The following LRRC3B variants were observed in gnomAD, a reference collection of about 807,000 sequenced individuals.
LRRC3B encodes the protein leucine-rich repeat-containing protein 3B.
A neutral mutation model predicts 12.8 loss-of-function variants in LRRC3B; 2 were observed. That is an observed-to-expected ratio of 0.16 (90% CI 0.06 to 0.49). The LOEUF (loss-of-function observed/expected upper bound fraction) is 0.49. Ranked by LOEUF, LRRC3B falls within the 20% of genes least tolerant of loss-of-function variation. The pLI, the probability that LRRC3B is intolerant of heterozygous loss-of-function variation, is 0.96. For synonymous variants in LRRC3B, 132 were observed against 122.0 expected, an observed-to-expected ratio of 1.08 and a Z score of -0.54; for missense variants, 189 against 319.4, an observed-to-expected ratio of 0.59 and a Z score of 3.11.
At chr3:26,628,320 G>GA (rs951128396) in intron 1 of LRRC3B, among the ~76,000 whole-genome samples, 8 of 148,584 alleles carry the variant, frequency 5.4e-5, no homozygotes, top group African/African-American at 2.0e-4. Flanking sequence ...TAAGATATTT[G>GA]AAAAAAAATA....
At chr3:26,701,250 A>G (rs1162913084) in intron 1 of LRRC3B, 2 of 152,054 alleles carry the variant, frequency 1.3e-5, no homozygotes, top group African/African-American at 4.8e-5. Flanking sequence ...GGATTTAGTA[A>G]GTGGCTTGAT....
intron 1 of LRRC3B, among the ~76,000 whole-genome samples, chr3:26,634,687 G>A (rs1286369308): frequency 2.6e-5 from 4 of 152,198 alleles, no homozygotes; most frequent in African/African-American, 4.8e-5. Context: ...TTGCATTTGC[G>A]TAATTTCCCA....
chr3:26,638,094 A>G (rs75698536), intron 1 of LRRC3B, among the ~76,000 whole-genome samples: 5,192 of 152,300 alleles, frequency 0.034, 167 homozygotes, highest in East Asian at 0.13. Context: ...AAGGAATTCC[A>G]CAAAGCATTG....
chr3:26,707,454 G>A (rs1700627304), intron 1 of LRRC3B, among the ~76,000 whole-genome samples: 1 of 152,110 alleles, frequency 6.6e-6, no homozygotes, highest in African/African-American at 2.4e-5. Context: ...TATTGTCTCT[G>A]CAAGAGGCAG....
At chr3:26,696,193 C>A (rs1028278933) in intron 1 of LRRC3B, among the ~76,000 whole-genome samples, 1 of 151,998 alleles carries the variant, frequency 6.6e-6, no homozygotes, top group African/African-American at 2.4e-5. Flanking sequence ...AATTTACAAC[C>A]CTGAAAAAGA....
intron 1 of LRRC3B, among the ~76,000 whole-genome samples, chr3:26,698,378 A>C (rs1359396330): frequency 2.0e-5 from 3 of 152,172 alleles, no homozygotes; most frequent in African/African-American, 7.2e-5. Context: ...TGCACCTTGC[A>C]CATGTCTCAT....
At chr3:26,680,837 TA>T (rs1420592324) in intron 1 of LRRC3B, among the ~76,000 whole-genome samples, 8 of 152,234 alleles carry the variant, frequency 5.3e-5, no homozygotes, top group African/African-American at 1.7e-4. Context: ...TGGCATATCC[TA>T]AAAGACAGAT....
chr3:26,652,713 A>T (rs1306536083), intron 1 of LRRC3B, among the ~76,000 whole-genome samples: 8 of 151,670 alleles, frequency 5.3e-5, no homozygotes, highest in Admixed American at 1.3e-4. Context: ...TTTTTTTTAA[A>T]AAAAAATCAC....
At chr3:26,636,959 T>TTTCTTTCC (rs1559350392) in intron 1 of LRRC3B, among the ~76,000 whole-genome samples, 3 of 125,032 alleles carry the variant, frequency 2.4e-5, no homozygotes, top group Admixed American at 8.9e-5. Context: ...TCTTTCTTTC[T>TTTCTTTCC]TTCTTTCTTT....
intron 1 of LRRC3B, among the ~76,000 whole-genome samples, chr3:26,649,770 C>A (rs1052384885): frequency 1.2e-4 from 19 of 152,160 alleles, no homozygotes; most frequent in Non-Finnish European, 2.8e-4. Flanking sequence ...ATTCCTTAGC[C>A]TGGCATCTAA....
intron 1 of LRRC3B, among the ~76,000 whole-genome samples, chr3:26,666,975 C>G (rs1183771195): frequency 5.3e-5 from 8 of 152,100 alleles, no homozygotes; most frequent in African/African-American, 1.9e-4. Flanking sequence ...AGCGGTATTA[C>G]TAACAACTAA....
At chr3:26,689,023 A>C (rs954711288) in intron 1 of LRRC3B, among the ~76,000 whole-genome samples, 1 of 152,176 alleles carries the variant, frequency 6.6e-6, no homozygotes, top group South Asian at 2.1e-4. Flanking sequence ...CCATAATAGG[A>C]TGAGTGCCAC....
Position 26,679,434 on chromosome 3 carries a change from C to T in LRRC3B, c.-160-30079C>T, listed in dbSNP as rs117288775. Among the ~76,000 whole-genome samples, 586 of 152,314 alleles carry T rather than the reference C, an allele frequency of 3.8e-3. 8 individuals are homozygous for T. The East Asian group carries it at 0.049, about 13-fold the overall frequency. On this transcript the variant is annotated intron_variant, in intron 1 of 1. Transcript: ENST00000396641. Reference sequence around the variant, plus strand: ...TTAGCTGCAGTCACACTCAACTTTTCACTTTTCTTCAAAGAAGTTGAGGGT... The same window carrying T: ...TTAGCTGCAGTCACACTCAACTTTTTACTTTTCTTCAAAGAAGTTGAGGGT...
intron 1 of LRRC3B, among the ~76,000 whole-genome samples, chr3:26,653,351 T>C (rs1428197912): frequency 9.0e-6 from 1 of 111,282 alleles, no homozygotes; most frequent in African/African-American, 3.4e-5. Context: ...ATTTCTGTCA[T>C]TTTTTTTACA....
At chr3:26,634,824 C>T (rs1036548128) in intron 1 of LRRC3B, among the ~76,000 whole-genome samples, 1 of 152,184 alleles carries the variant, frequency 6.6e-6, no homozygotes, top group Non-Finnish European at 1.5e-5. Context: ...GGCTTTGACG[C>T]TGCTGAGAGT....
intron 1 of LRRC3B, among the ~76,000 whole-genome samples, chr3:26,645,295 C>T (rs1385493255): frequency 6.6e-6 from 1 of 152,108 alleles, no homozygotes; most frequent in Non-Finnish European, 1.5e-5. Context: ...TGTGCAGAGA[C>T]CCATAGTTCC....
chr3:26,623,162 C>T (rs1254579117), exon 1 of LRRC3B: 1 of 152,354 alleles, frequency 6.6e-6, no homozygotes, highest in South Asian at 2.1e-4. Context: ...GGGCACACCC[C>T]TAAGCATACG....
intron 1 of LRRC3B, among the ~76,000 whole-genome samples, chr3:26,695,177 A>G (rs183818669): frequency 1.3e-5 from 2 of 152,226 alleles, no homozygotes; most frequent in African/African-American, 4.8e-5. Flanking sequence ...TTGATGTACC[A>G]TATTTATTTA....
chr3:26,685,524 TA>T (rs1251105324), intron 1 of LRRC3B, among the ~76,000 whole-genome samples: 2 of 17,834 alleles, frequency 1.1e-4, no homozygotes, highest in East Asian at 1.5e-3. Context: ...TCTCTCTCTC[TA>T]TATATATATA....
Sources: gnomAD v4.1 joint callset for allele counts (sites outside exome capture counted in the v4.1 genomes callset) on GRCh38, gnomAD v4.1.1 for gene constraint, MANE v1.5 for transcripts, NCBI Gene and HGNC (gene_info 2026-07-23, HGNC 2026-07-21) for gene names.